RGS6: variants seen among roughly 807,000 people sequenced by gnomAD.
RGS6 encodes the protein regulator of G-protein signaling 6.
RGS6 carries 30 observed loss-of-function variants against 78.5 expected under a neutral mutation model. The ratio of observed to expected loss-of-function variants is 0.38; its 90% CI spans 0.29 to 0.52. RGS6 has a LOEUF of 0.52. Among genes scored for constraint, RGS6 ranks in the 20% least tolerant of loss-of-function variants. The pLI is 0.85. For synonymous variants in RGS6, 206 were observed against 206.0 expected, an observed-to-expected ratio of 1.00 and a Z score of 0.00; for missense variants, 495 against 609.7, an observed-to-expected ratio of 0.81 and a Z score of 1.98.
chr14:72,304,822 A>G (rs1022892349), intron 2 of RGS6, among the ~76,000 whole-genome samples: 8 of 152,248 alleles, frequency 5.3e-5, no homozygotes, highest in Admixed American at 5.2e-4. Flanking sequence ...AGAGGTTGCC[A>G]TGAGTTGAGA....
intron 3 of RGS6, among the ~76,000 whole-genome samples, chr14:72,419,428 C>A (rs939446568): frequency 6.6e-6 from 1 of 152,210 alleles, no homozygotes; most frequent in Admixed American, 6.5e-5. Context: ...TGAACTCAGG[C>A]AGTCTGACTC....
intron 2 of RGS6, among the ~76,000 whole-genome samples, chr14:72,005,720 A>C (rs2153224967): frequency 6.6e-6 from 1 of 152,234 alleles, no homozygotes; most frequent in South Asian, 2.1e-4. Context: ...GGTCCTTTGG[A>C]TAGCATTTCT....
At position 72,207,022 on chromosome 14, in the gene RGS6, T is replaced by C. The variant is rs551195659; in HGVS notation, c.85-145073T>C. 1.1e-4 allele frequency among the ~76,000 whole-genome samples: 16 copies of C among 152,338 alleles called. 1 individual carries two copies. Among genetic ancestry groups the C allele is most frequent in the African/African-American group, 3.8e-4 (16 of 41,578 alleles). ...ATCCTTGCATATTGTTTGAATTTTTTATAATTAGTATACATTGCTTCTGTA... is the reference window on the plus strand; with the variant it reads ...ATCCTTGCATATTGTTTGAATTTTTCATAATTAGTATACATTGCTTCTGTA... On this transcript the variant is annotated intron_variant, in intron 2 of 17. Coordinates refer to ENST00000553525, the MANE Select transcript of RGS6 (RefSeq NM_001204424.2).
chr14:72,100,500 A>G (rs538968511), intron 2 of RGS6, among the ~76,000 whole-genome samples: 45 of 152,206 alleles, frequency 3.0e-4, no homozygotes, highest in African/African-American at 1.0e-3. Context: ...CAAAAACAAA[A>G]CCAAAAAAAG....
At chr14:72,401,611 C>A (rs2092409371) in intron 3 of RGS6, among the ~76,000 whole-genome samples, 1 of 146,950 alleles carries the variant, frequency 6.8e-6, no homozygotes. Flanking sequence ...TTGGGATTTC[C>A]AAATGTTTCT....
intron 3 of RGS6, among the ~76,000 whole-genome samples, chr14:72,418,690 G>A (rs866456586): frequency 1.3e-5 from 2 of 152,196 alleles, no homozygotes; most frequent in Admixed American, 6.5e-5. Context: ...GCCTGGAAAT[G>A]TATTTATTCT....
Position 72,563,004 on chromosome 14 carries a change from G to A in RGS6, c.*537G>A, listed in dbSNP as rs1258492327. On this transcript the variant is annotated 3_prime_UTR_variant, in exon 18 of 18. Transcript: ENST00000553525. Reference sequence around the variant, plus strand: ...TGTGGCCACCCGGGTGTCACTGCCAGCACCAGGCACTGCTTTCACGTAAAA... The same window carrying A: ...TGTGGCCACCCGGGTGTCACTGCCAACACCAGGCACTGCTTTCACGTAAAA... 1.8e-6 allele frequency: 1 copy of A among 566,688 alleles called. No individual in the cohort carries two copies. The highest frequency in any genetic ancestry group is 3.2e-6 in the Non-Finnish European group (1 of 316,500). 35.1% of individuals were successfully genotyped at this position (566,688 alleles called of 1,614,324 possible). A position where few individuals can be genotyped will look rare whatever the true frequency, so the allele number is the denominator to read the frequency against.
chr14:72,420,612 C>A (rs1009696987), intron 3 of RGS6, among the ~76,000 whole-genome samples: 2 of 149,564 alleles, frequency 1.3e-5, no homozygotes, highest in Non-Finnish European at 3.0e-5. Context: ...TGGACCTTTG[C>A]AATTAACATA....
chr14:72,029,855 G>A (rs1234536263), intron 2 of RGS6, among the ~76,000 whole-genome samples: 2 of 152,178 alleles, frequency 1.3e-5, no homozygotes, highest in Non-Finnish European at 2.9e-5. Context: ...GAGAACTGAA[G>A]GTGAATACTG....
At chr14:72,052,868 G>C (rs1037514836) in intron 2 of RGS6, among the ~76,000 whole-genome samples, 3 of 151,352 alleles carry the variant, frequency 2.0e-5, no homozygotes, top group African/African-American at 4.9e-5. Flanking sequence ...ACCCCCAGAG[G>C]TTCTTCCAAT....
intron 2 of RGS6, among the ~76,000 whole-genome samples, chr14:72,240,659 T>TTCCTTC (rs1416674151): frequency 6.6e-6 from 1 of 152,182 alleles, no homozygotes; most frequent in Admixed American, 6.5e-5. Flanking sequence ...ACACTTAAGC[T>TTCCTTC]TCCTTCTCAA....
chr14:72,260,271 A>G (rs1208876600), intron 2 of RGS6, among the ~76,000 whole-genome samples: 1 of 152,186 alleles, frequency 6.6e-6, no homozygotes, highest in African/African-American at 2.4e-5. Flanking sequence ...GTTTGGTAAG[A>G]TGTTTTGAGC....
chr14:72,345,041 G>A (rs528568356), intron 2 of RGS6, among the ~76,000 whole-genome samples: 6 of 152,276 alleles, frequency 3.9e-5, no homozygotes, highest in African/African-American at 1.4e-4. Context: ...CTCCTGTGCA[G>A]CTCAGTGTAG....
At chr14:72,345,483 A>T (rs1215070169) in intron 2 of RGS6, among the ~76,000 whole-genome samples, 1 of 152,220 alleles carries the variant, frequency 6.6e-6, no homozygotes, top group Non-Finnish European at 1.5e-5. Flanking sequence ...CACTTGTGCC[A>T]TTGAAATTGC....
chr14:72,414,774 A>C (rs1048381892), intron 3 of RGS6, among the ~76,000 whole-genome samples: 8 of 152,176 alleles, frequency 5.3e-5, no homozygotes, highest in Non-Finnish European at 7.3e-5. Context: ...TCTATCAGTC[A>C]GGACCCTCAG....
intron 11 of RGS6, chr14:72,477,082 T>C (rs1009371317): frequency 4.2e-6 from 2 of 473,188 alleles, no homozygotes; most frequent in Admixed American, 3.7e-5. Flanking sequence ...AGTCATCCCA[T>C]GCCTTGGGGT....
chr14:71,957,664 C>T (rs1470876733), intron 1 of RGS6, among the ~76,000 whole-genome samples: 1 of 152,168 alleles, frequency 6.6e-6, no homozygotes, highest in Non-Finnish European at 1.5e-5. Context: ...ATTGCAGTAA[C>T]AGGACTCCCA....
At chr14:72,282,631 G>T (rs1219093979) in intron 2 of RGS6, among the ~76,000 whole-genome samples, 1 of 152,064 alleles carries the variant, frequency 6.6e-6, no homozygotes, top group Non-Finnish European at 1.5e-5. Flanking sequence ...ATATTAAAAA[G>T]GACACATATT....
chr14:72,231,865 A>G (rs1472222417), intron 2 of RGS6, among the ~76,000 whole-genome samples: 2 of 152,024 alleles, frequency 1.3e-5, no homozygotes, highest in African/African-American at 4.8e-5. Context: ...GAACTGGGAT[A>G]GGTTGCAACA....
Sources: gnomAD v4.1 joint callset for allele counts (sites outside exome capture counted in the v4.1 genomes callset) on GRCh38, gnomAD v4.1.1 for gene constraint, MANE v1.5 for transcripts, NCBI Gene and HGNC (gene_info 2026-07-23, HGNC 2026-07-21) for gene names.